MAGI2: variants seen among roughly 807,000 people sequenced by gnomAD.
MAGI2 encodes the protein membrane-associated guanylate kinase, WW and PDZ domain-containing protein 2.
A neutral mutation model predicts 133.3 loss-of-function variants in MAGI2; 35 were observed. The ratio of observed to expected loss-of-function variants is 0.26; its 90% CI spans 0.20 to 0.35. MAGI2 has a LOEUF of 0.35. Ranked by LOEUF, MAGI2 falls within the 10% of genes least tolerant of loss-of-function variation. The pLI is 1.00. For missense variants in MAGI2, 1,636 were observed against 1,863.4 expected (o/e 0.88, Z 2.25); for synonymous variants, 729 against 710.6 (o/e 1.03, Z -0.41).
At chr7:78,135,341 AT>A in intron 16 of MAGI2, 135 bp from the exon 17 acceptor site, 1 of 745,430 alleles carries the variant, frequency 1.3e-6, no homozygotes, top group East Asian at 2.7e-5. Flanking sequence ...AATCACACTA[AT>A]TTCTATCAAA....
rs571414719 is a variant in MAGI2, at chr7:79,392,186, T to A, written c.301+60834A>T. 2.0e-5 allele frequency among the ~76,000 whole-genome samples: 3 copies of A among 152,212 alleles called. No homozygotes were observed. The South Asian group carries it at 6.2e-4, about 32-fold the overall frequency. On this transcript the variant is annotated intron_variant, in intron 1 of 21. Transcript: ENST00000354212. ...ATCCATGTCTCTGCAAAGGACATTATCTCATTCTTTTTTATGGCTGCATAG... is the reference window on the plus strand; with the variant it reads ...ATCCATGTCTCTGCAAAGGACATTAACTCATTCTTTTTTATGGCTGCATAG...
At chr7:79,137,945 G>A (rs368162289) in intron 1 of MAGI2, among the ~76,000 whole-genome samples, 2 of 152,254 alleles carry the variant, frequency 1.3e-5, no homozygotes, top group South Asian at 2.1e-4. Flanking sequence ...CCTAGTGGGC[G>A]TAATGTAATC....
chr7:78,723,822 T>C (rs1820500577), intron 2 of MAGI2, among the ~76,000 whole-genome samples: 1 of 152,000 alleles, frequency 6.6e-6, no homozygotes. Flanking sequence ...ATTCAAAGTA[T>C]AGGGAGATAG....
At chr7:78,614,614 G>A (rs1291977972) in intron 3 of MAGI2, 1 of 152,182 alleles carries the variant, frequency 6.6e-6, no homozygotes, top group Non-Finnish European at 1.5e-5. Context: ...TTTTAGGCAT[G>A]TAAGAACATT....
chr7:79,364,585 G>C (rs1177491925), intron 1 of MAGI2, among the ~76,000 whole-genome samples: 1 of 152,008 alleles, frequency 6.6e-6, no homozygotes, highest in Non-Finnish European at 1.5e-5. Flanking sequence ...CTTGGGTGAA[G>C]AGATAGACAT....
At chr7:78,704,783 T>TTTTTTTTTCC in intron 2 of MAGI2, among the ~76,000 whole-genome samples, 1 of 115,092 alleles carries the variant, frequency 8.7e-6, no homozygotes, top group African/African-American at 4.0e-5. Context: ...TTATTCTTTT[T>TTTTTTTTTCC]TTTTTTTTTT....
chr7:79,240,799 C>T (rs997370338), intron 1 of MAGI2, among the ~76,000 whole-genome samples: 1 of 151,966 alleles, frequency 6.6e-6, no homozygotes. Context: ...TCTCTTTTTT[C>T]CAATCTTTCT....
intron 1 of MAGI2, among the ~76,000 whole-genome samples, chr7:79,228,426 T>C (rs1255956592): frequency 7.1e-6 from 1 of 140,710 alleles, no homozygotes; most frequent in African/African-American, 2.6e-5. Context: ...GCCAAGTGTT[T>C]ACGTGCTGAG....
rs67057557 is a variant in MAGI2 at position 78,566,533 on chromosome 7, TA to T, written c.539-44889del. Among the ~76,000 whole-genome samples the T allele has an allele frequency of 2.9e-3, 401 of 137,116 alleles. 2 individuals carry two copies. Among genetic ancestry groups the T allele is most frequent in the East Asian group, 4.9e-3 (23 of 4,710 alleles). The allele number at this position is 137,116 out of a possible 152,430, so 90.0% of individuals were successfully genotyped here. A position where few individuals can be genotyped will look rare whatever the true frequency, so the allele number is the denominator to read the frequency against. ...GACAGGGCTATCAACAGACACAGTTTAAAAAAAAAAAAAAAAACAGAGGAAA... is the reference window on the plus strand; with the variant it reads ...GACAGGGCTATCAACAGACACAGTTTAAAAAAAAAAAAAAAACAGAGGAAA... On this transcript the variant is annotated intron_variant, in intron 3 of 21. Coordinates refer to ENST00000354212, the MANE Select transcript of MAGI2 (RefSeq NM_012301.4).
At chr7:78,297,871 A>G (rs1797435894) in intron 9 of MAGI2, among the ~76,000 whole-genome samples, 1 of 145,474 alleles carries the variant, frequency 6.9e-6, no homozygotes, top group Non-Finnish European at 1.5e-5. Context: ...GCATTGGGAG[A>G]TACACCTAAT....
intron 2 of MAGI2, among the ~76,000 whole-genome samples, chr7:78,782,237 C>A (rs1183042160): frequency 4.6e-5 from 7 of 152,228 alleles, no homozygotes; most frequent in South Asian, 4.2e-4. Context: ...CACCATAAAT[C>A]CATTAGGTAG....
intron 1 of MAGI2, among the ~76,000 whole-genome samples, chr7:79,066,996 G>A (rs1259981509): frequency 6.6e-6 from 1 of 152,188 alleles, no homozygotes; most frequent in Non-Finnish European, 1.5e-5. Context: ...GTACCATGCT[G>A]TTTTGGTTAC....
At chr7:78,601,842 G>A (rs538276154) in intron 3 of MAGI2, among the ~76,000 whole-genome samples, 4 of 152,210 alleles carry the variant, frequency 2.6e-5, no homozygotes, top group South Asian at 2.1e-4. Context: ...AAGTTTGGAC[G>A]GCTTGTATAT....
chr7:79,070,637 G>T (rs1049402005), intron 1 of MAGI2, among the ~76,000 whole-genome samples: 3 of 151,422 alleles, frequency 2.0e-5, no homozygotes, highest in Admixed American at 6.6e-5. Context: ...GACTACAGGC[G>T]CCCACCACCA....
intron 6 of MAGI2, among the ~76,000 whole-genome samples, chr7:78,407,542 C>T (rs1797494703): frequency 6.6e-6 from 1 of 151,998 alleles, no homozygotes; most frequent in East Asian, 1.9e-4. Context: ...GGGAATGATG[C>T]TGATCTTCAA....
At chr7:78,557,858 A>G (rs1799985439) in intron 3 of MAGI2, among the ~76,000 whole-genome samples, 1 of 152,170 alleles carries the variant, frequency 6.6e-6, no homozygotes, top group African/African-American at 2.4e-5. Flanking sequence ...ACAATTGAAC[A>G]TGTACATGTA....
intron 3 of MAGI2, among the ~76,000 whole-genome samples, chr7:78,525,560 G>A (rs1171581208): frequency 6.6e-6 from 1 of 152,078 alleles, no homozygotes; most frequent in Non-Finnish European, 1.5e-5. Context: ...TAAGGATGAA[G>A]TGCCTATATG....
intron 2 of MAGI2, among the ~76,000 whole-genome samples, chr7:78,837,530 C>T (rs1791744006): frequency 1.3e-5 from 2 of 152,016 alleles, no homozygotes; most frequent in African/African-American, 4.8e-5. Flanking sequence ...GACAAGTTCT[C>T]CATGGTATTC....
At chr7:78,192,231 C>G (rs1387206139) in intron 12 of MAGI2, among the ~76,000 whole-genome samples, 1 of 152,046 alleles carries the variant, frequency 6.6e-6, no homozygotes, top group Non-Finnish European at 1.5e-5. Flanking sequence ...TGATTTTTCC[C>G]CCCCCAGGAA....
Sources: gnomAD v4.1 joint callset for allele counts (sites outside exome capture counted in the v4.1 genomes callset) on GRCh38, gnomAD v4.1.1 for gene constraint, MANE v1.5 for transcripts, NCBI Gene and HGNC (gene_info 2026-07-23, HGNC 2026-07-21) for gene names.